ZDHHC8: variants seen among roughly 807,000 people sequenced by gnomAD.
ZDHHC8 encodes palmitoyltransferase ZDHHC8.
Under a neutral mutation model 61.2 loss-of-function variants are expected in ZDHHC8, and 24 were observed. The ratio of observed to expected loss-of-function variants is 0.39; its 90% confidence interval spans 0.28 to 0.55. The LOEUF (loss-of-function observed/expected upper bound fraction) is 0.55, where lower values mean the gene tolerates loss of function less well. Ranked by LOEUF, ZDHHC8 falls within the 20% of genes least tolerant of loss-of-function variation. The pLI is 0.60. For missense variants in ZDHHC8, 935 were observed against 1,102.1 expected (o/e 0.85, Z 2.15); for synonymous variants, 523 against 492.5 (o/e 1.06, Z -0.82).
chr22:20,140,565 C>T, intron 5 of ZDHHC8, 52 bp from the exon 6 acceptor site: 1 of 1,512,836 alleles, frequency 6.6e-7, no homozygotes, highest in Non-Finnish European at 8.9e-7. Context: ...CCCCTGCCCA[C>T]CCTGGCCTGG....
chr22:20,131,941 G>A lies in ZDHHC8; in HGVS notation c.-7G>A, dbSNP rs1257509399. 2.6e-6 allele frequency: 3 copies of A among 1,164,118 alleles called. No homozygotes were observed. Among genetic ancestry groups the A allele is most frequent in the Non-Finnish European group, 3.2e-6 (3 of 933,370 alleles). The allele number at this position is 1,164,118 out of a possible 1,614,324, so 72.1% of individuals were successfully genotyped here. A position where few individuals can be genotyped will look rare whatever the true frequency, so the allele number is the denominator to read the frequency against. On this transcript the variant is annotated 5_prime_UTR_variant, in exon 1 of 11. Coordinates refer to ENST00000334554, the MANE Select transcript of ZDHHC8 (RefSeq NM_013373.4). The stretch of plus-strand genomic sequence containing the variant: ...CCGGGGAGGGATGCGGCGGCGCGGC[G>A]CCCAGGATGCCCCGCAGCCCCGGGA...
At chr22:20,135,045 C>T (rs892591937) in intron 1 of ZDHHC8, among the ~76,000 whole-genome samples, 18 of 152,310 alleles carry the variant, frequency 1.2e-4, no homozygotes, top group Admixed American at 7.2e-4. Flanking sequence ...GATCATCCCA[C>T]CTCAGCCTCC....
chr22:20,143,397 G>A lies in ZDHHC8; in HGVS notation c.1767G>A (p.Gln589=), dbSNP rs5992512. The change falls in exon 10 of 11, where the codon CAG becomes CAA. Residue 589 remains glutamine (Q), a synonymous_variant. Transcript: ENST00000334554. ...YDAPSSYSLQ[Q]ASVLSEGPRG... ...CTCCCAGCTCCTACAGCCTGCAGCA[G>A]GCCAGTGTGCTGTCCGAGGGCCCCC... The A allele has an allele frequency of 1.4e-3, 2,162 of 1,588,192 alleles. 20 individuals carry two copies. The African/African-American group carries it at 0.025, about 18-fold the overall frequency.
At chr22:20,139,122 A>T in intron 1 of ZDHHC8, 72 bp from the exon 2 acceptor site, 1 of 1,539,138 alleles carries the variant, frequency 6.5e-7, no homozygotes, top group Non-Finnish European at 8.7e-7. Flanking sequence ...AGCCTGCCGC[A>T]CCACATAGCT....
intron 1 of ZDHHC8, among the ~76,000 whole-genome samples, chr22:20,135,001 G>A (rs12160823): frequency 2.6e-5 from 4 of 152,050 alleles, no homozygotes; most frequent in Non-Finnish European, 4.4e-5. Flanking sequence ...GTGCTACCTC[G>A]GCTCACTGCA....
Position 20,131,915 on chromosome 22 carries a change from C to A in ZDHHC8, c.-33C>A, listed in dbSNP as rs1292238114. On this transcript the variant is annotated 5_prime_UTR_variant, in exon 1 of 11. Coordinates refer to ENST00000334554, the MANE Select transcript of ZDHHC8 (RefSeq NM_013373.4). The stretch of plus-strand genomic sequence containing the variant: ...CCCCGGCCGGCCCTGCCCGCCCGGC[C>A]CCGGGGAGGGATGCGGCGGCGCGGC... 1 of 1,053,958 alleles carries A rather than the reference C, an allele frequency of 9.5e-7. No homozygotes were observed. Among genetic ancestry groups the A allele is most frequent in the Non-Finnish European group, 1.2e-6 (1 of 866,636 alleles). 65.3% of individuals were successfully genotyped at this position (1,053,958 alleles called of 1,614,324 possible).
At position 20,143,065 on chromosome 22, in the gene ZDHHC8, T is replaced by C; in HGVS notation, c.1435T>C (p.Tyr479His). 1 of 1,612,462 alleles carries C rather than the reference T, an allele frequency of 6.2e-7. No homozygotes were observed. The highest frequency in any genetic ancestry group is 8.5e-7 in the Non-Finnish European group (1 of 1,179,852). The change falls in exon 10 of 11, where the codon TAT (tyrosine) becomes CAT (histidine). Residue 479 changes from tyrosine to histidine, a missense_variant. This residue lies in a region of ZDHHC8 where 692 missense variants were observed against 731.4 expected (regional missense o/e 0.95). Transcript: ENST00000334554. ...ALPNRNGSLS[Y>H]DSLLNPGSPG... ...GCCCAACCGCAACGGCAGCCTGTCC[T>C]ATGACAGCCTGCTCAATCCTGGCTC...
rs2050526969 is a variant in ZDHHC8 at position 20,146,571 on chromosome 22, G to T, written c.*1171G>T. ...GCTGCTGTCTGGTGTGCAGGGGTCGGTGGGTTCCTCAGGGGCATTTCTGCC... is the reference window on the plus strand; with the variant it reads ...GCTGCTGTCTGGTGTGCAGGGGTCGTTGGGTTCCTCAGGGGCATTTCTGCC... On this transcript the variant is annotated 3_prime_UTR_variant, in exon 11 of 11. Coordinates refer to ENST00000334554, the MANE Select transcript of ZDHHC8 (RefSeq NM_013373.4). 3.0e-6 allele frequency: 3 copies of T among 993,990 alleles called. No homozygotes were observed. The highest frequency in any genetic ancestry group is 3.6e-6 in the Non-Finnish European group (3 of 836,152). The allele number at this position is 993,990 out of a possible 1,614,324, so 61.6% of individuals were successfully genotyped here. A position where few individuals can be genotyped will look rare whatever the true frequency, so the allele number is the denominator to read the frequency against.
rs2050450006 is a variant in ZDHHC8 at position 20,139,608 on chromosome 22, C to T, written c.357C>T (p.His119=). The stretch of plus-strand genomic sequence containing the variant: ...TCTACCGCCCGCCGCGCTGCTCCCA[C>T]TGCAGCGTCTGTGACAACTGTGTAG... The part of the protein sequence containing the change: ...CHFYRPPRCS[H]CSVCDNCVED... The change falls in exon 3 of 11, where the codon CAC becomes CAT. Residue 119 remains histidine, a synonymous_variant. Coordinates refer to ENST00000334554, the MANE Select transcript of ZDHHC8 (RefSeq NM_013373.4). 2 of 1,613,174 alleles carry T rather than the reference C, an allele frequency of 1.2e-6. No individual in the cohort carries two copies. The highest frequency in any genetic ancestry group is 1.3e-5 in the African/African-American group (1 of 75,044).
intron 1 of ZDHHC8, among the ~76,000 whole-genome samples, chr22:20,138,847 C>T (rs929320445): frequency 6.6e-6 from 1 of 152,164 alleles, no homozygotes. Flanking sequence ...GGGCTCCCAC[C>T]TCCAGCCTGT....
intron 1 of ZDHHC8, among the ~76,000 whole-genome samples, chr22:20,138,058 G>A (rs376090371): frequency 4.6e-5 from 7 of 152,390 alleles, no homozygotes; most frequent in Middle Eastern, 3.4e-3. Flanking sequence ...CTCTGCTGCC[G>A]TGGAGGTGGT....
chr22:20,133,721 CA>C (rs34467871), intron 1 of ZDHHC8, among the ~76,000 whole-genome samples: 15,102 of 72,674 alleles, frequency 0.21, 682 homozygotes, highest in African/African-American at 0.31. Flanking sequence ...GACTCTGTCT[CA>C]AAAAAAAAAA....
intron 10 of ZDHHC8, among the ~76,000 whole-genome samples, chr22:20,144,058 C>G (rs1460810214): frequency 6.6e-6 from 1 of 152,182 alleles, no homozygotes; most frequent in Non-Finnish European, 1.5e-5. Flanking sequence ...GGGGCTTTCT[C>G]TTTGGGGCCA....
Position 20,143,748 on chromosome 22 carries a change from C to T in ZDHHC8, c.2118C>T (p.Thr706=), listed in dbSNP as rs545392504. ...TCCCAGAGCCACCGCCCTCGCTGAC[C>T]GTGCAGAGGTGGGTGCCGGGAGGTG... ...TDLPEPPPSL[T]VQRDHPQLKT... is the part of the protein sequence containing the mutation. The change falls in exon 10 of 11, where the codon ACC becomes ACT. Residue 706 remains threonine, a synonymous_variant. Transcript: ENST00000334554. 91 of 1,607,538 alleles carry T rather than the reference C, an allele frequency of 5.7e-5. No homozygotes were observed. Among genetic ancestry groups the T allele is most frequent in the Middle Eastern group, 2.0e-4 (1 of 5,050 alleles).
At chr22:20,140,735 G>A (rs1227951859) in intron 6 of ZDHHC8, 27 bp downstream of exon 6, 1 of 1,602,964 alleles carries the variant, frequency 6.2e-7, no homozygotes, top group South Asian at 1.1e-5. Flanking sequence ...GCAGGGTGGA[G>A]GGGGGCCTCT....
At chr22:20,136,199 C>T (rs948589976) in intron 1 of ZDHHC8, among the ~76,000 whole-genome samples, 3 of 152,226 alleles carry the variant, frequency 2.0e-5, no homozygotes, top group African/African-American at 7.2e-5. Context: ...CCACCTCCAG[C>T]CCAGGCCCAG....
In ZDHHC8 at chr22:20,132,045, T is replaced by C. The variant is rs2050379342; in HGVS notation, c.98T>C (p.Val33Ala). The change falls in exon 1 of 11, where the codon GTG (valine) becomes GCG (alanine). Residue 33 changes from valine (V) to alanine (A), a missense_variant. By Grantham distance (64) the Val-to-Ala change is moderately conservative. Coordinates refer to ENST00000334554, the MANE Select transcript of ZDHHC8 (RefSeq NM_013373.4). The stretch of plus-strand genomic sequence containing the variant: ...GTCGGCTCCAGCACCCTCTTCTTCG[T>C]GTTCACGTGAGTCGGCGCCGCGTCT... ...LLVGSSTLFFVFTCPWLTRAV... is the reference protein window; with the variant it reads ...LLVGSSTLFFAFTCPWLTRAV... 1.5e-6 allele frequency: 2 copies of C among 1,328,712 alleles called. No individual in the cohort carries two copies. Among genetic ancestry groups the C allele is most frequent in the Admixed American group, 2.3e-5 (1 of 43,038 alleles). 82.3% of individuals were successfully genotyped at this position (1,328,712 alleles called of 1,614,324 possible).
intron 1 of ZDHHC8, among the ~76,000 whole-genome samples, chr22:20,134,234 A>C (rs1318234377): frequency 6.6e-6 from 1 of 152,236 alleles, no homozygotes; most frequent in East Asian, 1.9e-4. Context: ...AGCAAGGCTA[A>C]GAAGCCCTGC....
At chr22:20,137,033 C>T (rs1267792786) in intron 1 of ZDHHC8, among the ~76,000 whole-genome samples, 5 of 152,230 alleles carry the variant, frequency 3.3e-5, no homozygotes, top group Non-Finnish European at 7.3e-5. Flanking sequence ...GGACAGTTGC[C>T]TCACTCTGGA....
Sources: gnomAD v4.1 joint callset for allele counts (sites outside exome capture counted in the v4.1 genomes callset) on GRCh38, gnomAD v4.1.1 for gene constraint, gnomAD v4.1.1 regional missense constraint, MANE v1.5 for transcripts, NCBI Gene and HGNC (gene_info 2026-07-23, HGNC 2026-07-21) for gene names.